HAT1: variants seen among roughly 807,000 people sequenced by gnomAD.
The protein encoded by HAT1 is histone acetyltransferase type B catalytic subunit.
HAT1 carries 20 observed loss-of-function variants against 56.6 expected under a neutral mutation model. The ratio of observed to expected loss-of-function variants is 0.35; its 90% confidence interval spans 0.25 to 0.51. HAT1 has a LOEUF of 0.51. Among genes scored for constraint, HAT1 ranks in the 20% least tolerant of loss-of-function variants. HAT1 has a pLI of 0.95. For synonymous variants in HAT1, 146 were observed against 165.5 expected, an observed-to-expected ratio of 0.88 and a Z score of 0.91; for missense variants, 408 against 504.3, an observed-to-expected ratio of 0.81 and a Z score of 1.83.
chr2:171,963,435 AACTT>A (rs1687618697), intron 4 of HAT1, among the ~76,000 whole-genome samples: 1 of 152,140 alleles, frequency 6.6e-6, no homozygotes, highest in South Asian at 2.1e-4. Context: ...TGCTACTTGA[AACTT>A]AGAGTTTCTG....
At chr2:171,966,768 A>G (rs1311595842) in intron 7 of HAT1, 75 bp from the exon 8 acceptor site, 1 of 726,902 alleles carries the variant, frequency 1.4e-6, no homozygotes, top group Non-Finnish European at 2.4e-6. Context: ...AGTGTTTGTA[A>G]TACTATAGTG....
chr2:171,931,225 T>C (rs1686737171), intron 2 of HAT1, among the ~76,000 whole-genome samples: 1 of 150,376 alleles, frequency 6.6e-6, no homozygotes, highest in Admixed American at 6.6e-5. Context: ...ACCCCATCTC[T>C]ACAAAAAATA....
intron 8 of HAT1, among the ~76,000 whole-genome samples, chr2:171,972,323 T>C (rs1268775894): frequency 3.3e-5 from 5 of 151,712 alleles, no homozygotes; most frequent in Admixed American, 2.0e-4. Context: ...TGGAGTGCAG[T>C]GGAGTGATAG....
chr2:171,937,328 A>G (rs1686895380), intron 2 of HAT1, among the ~76,000 whole-genome samples: 1 of 152,190 alleles, frequency 6.6e-6, no homozygotes. Flanking sequence ...GATTCTAAGA[A>G]CTAGGAAGTA....
chr2:171,977,543 ATATATATATATATATTTTT>A (rs1395378652), intron 9 of HAT1, among the ~76,000 whole-genome samples: 2 of 13,846 alleles, frequency 1.4e-4, no homozygotes, highest in African/African-American at 3.3e-4. Context: ...ATATATATAT[ATATATATATATATATTTTT>A]TTTTTTTTTT....
At chr2:171,974,780 C>G (rs888646508) in intron 8 of HAT1, among the ~76,000 whole-genome samples, 39 of 152,280 alleles carry the variant, frequency 2.6e-4, no homozygotes, top group African/African-American at 7.5e-4. Flanking sequence ...GCGTTTTTAT[C>G]ATGAATTGAT....
intron 2 of HAT1, among the ~76,000 whole-genome samples, chr2:171,929,164 C>T (rs1686673527): frequency 6.6e-6 from 1 of 152,054 alleles, no homozygotes; most frequent in Non-Finnish European, 1.5e-5. Flanking sequence ...GTTAATAGTA[C>T]TTCATAGTGG....
chr2:171,956,187 A>T (rs1484867987), intron 4 of HAT1, among the ~76,000 whole-genome samples: 1 of 142,570 alleles, frequency 7.0e-6, no homozygotes, highest in Admixed American at 7.0e-5. Flanking sequence ...TTAAAAAAAA[A>T]AAAAAAAAAA....
intron 2 of HAT1, among the ~76,000 whole-genome samples, chr2:171,940,966 C>T (rs1018481812): frequency 5.3e-5 from 8 of 152,074 alleles, no homozygotes; most frequent in African/African-American, 1.7e-4. Context: ...AAAAGACTTA[C>T]CAAAACTGTG....
chr2:171,957,525 C>T (rs1212096101), intron 4 of HAT1, among the ~76,000 whole-genome samples: 1 of 152,118 alleles, frequency 6.6e-6, no homozygotes, highest in Non-Finnish European at 1.5e-5. Context: ...ACAGTCTTAC[C>T]TATGATGAGA....
intron 9 of HAT1, among the ~76,000 whole-genome samples, chr2:171,978,467 T>C (rs1446334712): frequency 2.6e-5 from 4 of 152,212 alleles, no homozygotes; most frequent in African/African-American, 7.2e-5. Flanking sequence ...ACCTATATAC[T>C]GACATTGCTT....
intron 8 of HAT1, among the ~76,000 whole-genome samples, chr2:171,967,526 C>T (rs538519879): frequency 4.7e-4 from 71 of 151,984 alleles, no homozygotes; most frequent in African/African-American, 1.6e-3. Flanking sequence ...GAAGGAAAGA[C>T]GACTTACTCG....
chr2:171,934,211 A>G (rs1331070409), intron 2 of HAT1, among the ~76,000 whole-genome samples: 1 of 152,216 alleles, frequency 6.6e-6, no homozygotes, highest in African/African-American at 2.4e-5. Context: ...AATGTTTTAA[A>G]CCTGTAAGAA....
At chr2:171,954,948 G>C (rs1362941263) in intron 4 of HAT1, among the ~76,000 whole-genome samples, 1 of 152,232 alleles carries the variant, frequency 6.6e-6, no homozygotes, top group African/African-American at 2.4e-5. Context: ...AGAGGCAGAT[G>C]TGATATGGCC....
intron 8 of HAT1, 30 bp downstream of exon 8, chr2:171,966,979 A>G (rs549053961): frequency 1.1e-6 from 1 of 933,160 alleles, no homozygotes; most frequent in African/African-American, 1.7e-5. Context: ...TTACTGAAAG[A>G]GCCTTTCTAA....
chr2:171,950,930 C>A (rs1308928843), intron 3 of HAT1, among the ~76,000 whole-genome samples: 1 of 152,180 alleles, frequency 6.6e-6, no homozygotes, highest in African/African-American at 2.4e-5. Context: ...CTGCCTCAGC[C>A]TCCCGAGTCG....
chr2:171,928,554 G>A (rs948450215), intron 2 of HAT1, among the ~76,000 whole-genome samples: 28 of 152,276 alleles, frequency 1.8e-4, no homozygotes, highest in African/African-American at 6.7e-4. Context: ...TGTTGCTTGG[G>A]CTGGAGTGCA....
At chr2:171,933,145 C>A (rs1028637607) in intron 2 of HAT1, among the ~76,000 whole-genome samples, 2 of 152,112 alleles carry the variant, frequency 1.3e-5, no homozygotes, top group Non-Finnish European at 2.9e-5. Context: ...GTAGCCTCAA[C>A]CTCTTGGCTC....
chr2:171,978,921 A>AC (rs1491509738), intron 9 of HAT1, among the ~76,000 whole-genome samples: 3 of 134,120 alleles, frequency 2.2e-5, no homozygotes, highest in African/African-American at 8.2e-5. Flanking sequence ...TCCCATTTCT[A>AC]CAAAAAAAAA....
Sources: gnomAD v4.1 joint callset for allele counts (sites outside exome capture counted in the v4.1 genomes callset) on GRCh38, gnomAD v4.1.1 for gene constraint, MANE v1.5 for transcripts, NCBI Gene and HGNC (gene_info 2026-07-23, HGNC 2026-07-21) for gene names.